The following POLA2 variants were observed in gnomAD, a reference collection of about 807,000 sequenced individuals.
The protein encoded by POLA2 is DNA polymerase alpha subunit B.
Under a neutral mutation model 82.8 loss-of-function variants are expected in POLA2, and 47 were observed. The observed-to-expected ratio is 0.57, with a 90% CI of 0.45 to 0.72. The LOEUF is 0.72. Among genes scored for constraint, POLA2 ranks in the 30% least tolerant of loss-of-function variants. The pLI, the probability that POLA2 is intolerant of heterozygous loss-of-function variation, is 0.00. For missense variants in POLA2, 634 were observed against 728.1 expected (o/e 0.87, Z 1.49); for synonymous variants, 287 against 286.8 (o/e 1.00, Z -0.01).
intron 10 of POLA2, among the ~76,000 whole-genome samples, chr11:65,284,351 A>C (rs1949672581): frequency 6.6e-6 from 1 of 151,962 alleles, no homozygotes; most frequent in Admixed American, 6.6e-5. Flanking sequence ...GTGGTTGTGC[A>C]CACCTGTATA....
At position 65,297,421 on chromosome 11, in the gene POLA2, G is replaced by C; in HGVS notation, c.*152G>C. 1 of 844,058 alleles carries C rather than the reference G, an allele frequency of 1.2e-6. No individual in the cohort carries two copies. The highest frequency in any genetic ancestry group is 3.4e-5 in the Admixed American group (1 of 29,162). 52.3% of individuals were successfully genotyped at this position (844,058 alleles called of 1,614,324 possible). A position where few individuals can be genotyped will look rare whatever the true frequency, so the allele number is the denominator to read the frequency against. On this transcript the variant is annotated 3_prime_UTR_variant, in exon 18 of 18. Transcript: ENST00000265465. ...AGCTGCAGTGACCAGGCCCAGCAGG[G>C]AGGACTTGTGCAGCCGGGCCTGCCT... is the stretch of plus-strand genomic sequence containing the variant.
intron 17 of POLA2, chr11:65,296,638 T>C (rs1949813550): frequency 6.3e-6 from 1 of 159,766 alleles, no homozygotes; most frequent in African/African-American, 2.4e-5. Flanking sequence ...CAAAGCTTTC[T>C]AGTGACAAGT....
Position 65,262,096 on chromosome 11 carries a change from AAAG to A in POLA2, c.-196_-194del. 1.8e-6 allele frequency: 1 copy of A among 557,538 alleles called. No individual in the cohort carries two copies. Among genetic ancestry groups the A allele is most frequent in the Non-Finnish European group, 3.2e-6 (1 of 315,910 alleles). The allele number at this position is 557,538 out of a possible 1,614,324, so 34.5% of individuals were successfully genotyped here. A position where few individuals can be genotyped will look rare whatever the true frequency, so the allele number is the denominator to read the frequency against. ...GGAGCCACCCCTTCATTTTTTAAAA[AAAG>A]TATTTCTCTGTGACCGACGGCCGGG... On this transcript the variant is annotated 5_prime_UTR_variant, in exon 1 of 18. Transcript: ENST00000265465.
At chr11:65,295,804 C>T in intron 16 of POLA2, 60 bp from the exon 17 acceptor site, 2 of 1,581,234 alleles carry the variant, frequency 1.3e-6, no homozygotes, top group Non-Finnish European at 1.7e-6. Context: ...TAGGGGGACT[C>T]TGTCTGAGAA....
chr11:65,262,444 G>A lies in POLA2; in HGVS notation c.79+73G>A, dbSNP rs1949409864. 5 of 1,278,538 alleles carry A rather than the reference G, an allele frequency of 3.9e-6. No individual in the cohort carries two copies. The South Asian group carries it at 6.6e-5, about 17-fold the overall frequency. 79.2% of individuals were successfully genotyped at this position (1,278,538 alleles called of 1,614,324 possible). A position where few individuals can be genotyped will look rare whatever the true frequency, so the allele number is the denominator to read the frequency against. The stretch of plus-strand genomic sequence containing the variant: ...CCCGAGTTCCTCGGCGCCTAGAACC[G>A]AAAGTGGAGCGCTTCCAATTTCCAC... On this transcript the variant is annotated intron_variant, in intron 1 of 17. Transcript: ENST00000265465.
chr11:65,262,474 C>T (rs1051450187), intron 1 of POLA2, 103 bp downstream of exon 1: 3 of 903,004 alleles, frequency 3.3e-6, no homozygotes, highest in South Asian at 1.6e-5. Flanking sequence ...TTCCACTTCC[C>T]CTGGAGCAGA....
intron 12 of POLA2, 86 bp downstream of exon 12, chr11:65,289,174 C>A: frequency 1.0e-6 from 1 of 1,002,950 alleles, no homozygotes; most frequent in Non-Finnish European, 1.5e-6. Flanking sequence ...TATCCCACAT[C>A]TGTAACAAAC....
chr11:65,288,914 C>A, intron 11 of POLA2, 136 bp from the exon 12 acceptor site: 1 of 781,674 alleles, frequency 1.3e-6, no homozygotes, highest in Non-Finnish European at 2.1e-6. Context: ...TGCTAACTGT[C>A]CCCAGGCTCT....
intron 10 of POLA2, among the ~76,000 whole-genome samples, chr11:65,285,574 CAAAAA>C (rs573912827): frequency 1.6e-5 from 1 of 63,014 alleles, no homozygotes. Context: ...GATCCTATCT[CAAAAA>C]AAAAAAAAAA....
Position 65,297,309 on chromosome 11 carries a change from A to G in POLA2, c.*40A>G, listed in dbSNP as rs763521404. 3.4e-5 allele frequency: 53 copies of G among 1,536,716 alleles called. No homozygotes were observed. Among genetic ancestry groups the G allele is most frequent in the Non-Finnish European group, 4.6e-5 (53 of 1,143,944 alleles). On this transcript the variant is annotated 3_prime_UTR_variant, in exon 18 of 18. Transcript: ENST00000265465. ...GCTGTTCTCTGCTGTGTGGGCCCTT[A>G]AAGTCTTAGCCAAGAGCCAAGACAT...
Position 65,296,713 on chromosome 11 carries a change from G to A in POLA2, c.1648-407G>A, listed in dbSNP as rs1949814242. Among the ~76,000 whole-genome samples, 3 of 152,222 alleles carry A rather than the reference G, an allele frequency of 2.0e-5. No individual in the cohort carries two copies. In the South Asian group the frequency reaches 6.2e-4, roughly 32 times the overall value. On this transcript the variant is annotated intron_variant, in intron 17 of 17. Transcript: ENST00000265465. ...TGTAATCCCAGCACTTTGGGAGGCC[G>A]AGGTGGGTGGATCACCTGAGGTCAG...
intron 11 of POLA2, among the ~76,000 whole-genome samples, chr11:65,288,581 G>A (rs1404879840): frequency 7.0e-6 from 1 of 142,162 alleles, no homozygotes; most frequent in Non-Finnish European, 1.5e-5. Context: ...GTGCGATCTC[G>A]GCTCACTATA....
intron 11 of POLA2, among the ~76,000 whole-genome samples, chr11:65,288,580 C>T (rs1172182498): frequency 1.1e-4 from 15 of 141,752 alleles, no homozygotes; most frequent in East Asian, 8.6e-4. Context: ...GGTGCGATCT[C>T]GGCTCACTAT....
chr11:65,273,203 C>T (rs1949540816), intron 4 of POLA2, among the ~76,000 whole-genome samples: 1 of 151,540 alleles, frequency 6.6e-6, no homozygotes, highest in African/African-American at 2.4e-5. Context: ...GCCTGTAATC[C>T]CAGCTACTCA....
At chr11:65,289,721 G>T in intron 12 of POLA2, 78 bp from the exon 13 acceptor site, 1 of 891,234 alleles carries the variant, frequency 1.1e-6, no homozygotes. Context: ...GACTTCTATG[G>T]GTCACCTAAC....
chr11:65,294,062 C>A, intron 13 of POLA2, 91 bp from the exon 14 acceptor site: 2 of 1,097,484 alleles, frequency 1.8e-6, no homozygotes, highest in Admixed American at 3.4e-5. Flanking sequence ...GGCTCTGCCT[C>A]CAGCCTGAGG....
At position 65,305,332 on chromosome 11, in the gene POLA2, C is replaced by T. The variant is rs76569316; in HGVS notation, c.657-41C>T. The T allele has an allele frequency of 8.7e-3, 3,967 of 455,336 alleles. 137 individuals are homozygous for T. The highest frequency in any genetic ancestry group is 0.07 in the African/African-American group (3,513 of 50,080). The allele number at this position is 455,336 out of a possible 1,614,324, so 28.2% of individuals were successfully genotyped here. A position where few individuals can be genotyped will look rare whatever the true frequency, so the allele number is the denominator to read the frequency against. ...CCAGCCTCACGCATCGTAAGAGAAA[C>T]GCAAACTCTAACTACACCCAAATTC... On this transcript the variant is annotated intron_variant, in intron 8 of 8. Coordinates refer to the POLA2 transcript ENST00000525924.
At chr11:65,292,448 C>G (rs1026349304) in intron 13 of POLA2, among the ~76,000 whole-genome samples, 1 of 152,176 alleles carries the variant, frequency 6.6e-6, no homozygotes, top group Non-Finnish European at 1.5e-5. Context: ...TTAACTATTG[C>G]CCTTCCAAAG....
intron 8 of POLA2, among the ~76,000 whole-genome samples, chr11:65,304,398 TCCATCAACCCAC>T (rs548580442): frequency 5.8e-4 from 84 of 143,714 alleles, no homozygotes; most frequent in East Asian, 1.3e-3. Flanking sequence ...TTTTCATCCA[TCCATCAACCCAC>T]CCATCAACCC....
Sources: gnomAD v4.1 joint callset for allele counts (sites outside exome capture counted in the v4.1 genomes callset) on GRCh38, gnomAD v4.1.1 for gene constraint, MANE v1.5 for transcripts, NCBI Gene and HGNC (gene_info 2026-07-23, HGNC 2026-07-21) for gene names.